Variants in PCDHGB7 observed in about 807,000 individuals in gnomAD.
The protein encoded by PCDHGB7 is protocadherin gamma subfamily B, 7, also known as protocadherin gamma-B7.
A neutral mutation model predicts 61.4 loss-of-function variants in PCDHGB7; 37 were observed. The ratio of observed to expected loss-of-function variants is 0.60; its 90% CI spans 0.46 to 0.79. PCDHGB7 has a LOEUF of 0.79. Ranked by LOEUF, PCDHGB7 falls within the 30% of genes least tolerant of loss-of-function variation. The pLI, the probability that PCDHGB7 is intolerant of heterozygous loss-of-function variation, is 0.00. For missense variants in PCDHGB7, 1,166 were observed against 1,202.5 expected (o/e 0.97, Z 0.45); for synonymous variants, 464 against 503.5 (o/e 0.92, Z 1.05).
intron 1 of PCDHGB7, among the ~76,000 whole-genome samples, chr5:141,475,204 A>G (rs2099360413): frequency 6.6e-6 from 1 of 152,176 alleles, no homozygotes; most frequent in African/African-American, 2.4e-5. Flanking sequence ...AGATCTTGGG[A>G]AAAGGATTGA....
Position 141,450,758 on chromosome 5 carries a change from A to C in PCDHGB7, c.2415+30484A>C, listed in dbSNP as rs1007910264. On this transcript the variant is annotated intron_variant, in intron 1 of 3. Transcript: ENST00000398594. ...CGCCTTGGCCTCCCAAAGTGCCGGGATTACAGGCATGAGCCACCGTGCCCG... is the reference window on the plus strand; with the variant it reads ...CGCCTTGGCCTCCCAAAGTGCCGGGCTTACAGGCATGAGCCACCGTGCCCG... Among the ~76,000 whole-genome samples the C allele has an allele frequency of 5.3e-5, 8 of 151,784 alleles. No individual in the cohort carries two copies. In the East Asian group the frequency reaches 1.4e-3, roughly 26 times the overall value.
chr5:141,511,276 T>C lies in PCDHGB7; in HGVS notation c.*103T>C. On this transcript the variant is annotated 3_prime_UTR_variant, in exon 4 of 4. Coordinates refer to ENST00000398594, the MANE Select transcript of PCDHGB7 (RefSeq NM_018927.4). ...AGAGTTTCAGGGCTAACCCCCAGAA[T>C]ACTGGTAGGGGCCAAGGCCATGCTC... 6.5e-7 allele frequency: 1 copy of C among 1,538,084 alleles called. No homozygotes were observed. Among genetic ancestry groups the C allele is most frequent in the Non-Finnish European group, 8.8e-7 (1 of 1,140,720 alleles).
intron 1 of PCDHGB7, among the ~76,000 whole-genome samples, chr5:141,444,726 G>C (rs1296177763): frequency 6.6e-6 from 1 of 152,048 alleles, no homozygotes; most frequent in African/African-American, 2.4e-5. Flanking sequence ...TGGTGCCTTT[G>C]TTGAAAGTCA....
In PCDHGB7 at chr5:141,501,310, C is replaced by T. The variant is rs958976594; in HGVS notation, c.2475-4083C>T. ...CCTTATACACACACACACACACACA[C>T]ACACACACACACACACACACACACC... On this transcript the variant is annotated intron_variant, in intron 2 of 3. Transcript: ENST00000398594. Among the ~76,000 whole-genome samples, 4 of 151,684 alleles carry T rather than the reference C, an allele frequency of 2.6e-5. No individual in the cohort carries two copies. The South Asian group carries it at 8.3e-4, about 32-fold the overall frequency.
Position 141,491,995 on chromosome 5 carries a change from G to C in PCDHGB7, c.2416-2812G>C, listed in dbSNP as rs76332593. On this transcript the variant is annotated intron_variant, in intron 1 of 3. Transcript: ENST00000398594. The surrounding 1 kb of genome is among the most constrained non-coding windows in gnomAD (Gnocchi z 6.9). ...CTCCTTCGAGCTTCCGGTGAATTTC[G>C]GGCGATTTCCGCGGGTGTCGGGGGT... is the stretch of plus-strand genomic sequence containing the variant. 0.033 allele frequency: 22,941 copies of C among 696,644 alleles called. 426 individuals carry two copies. The highest frequency in any genetic ancestry group is 0.093 in the Middle Eastern group (249 of 2,666). The allele number at this position is 696,644 out of a possible 1,614,324, so 43.2% of individuals were successfully genotyped here. A position where few individuals can be genotyped will look rare whatever the true frequency, so the allele number is the denominator to read the frequency against.
chr5:141,487,386 G>C lies in PCDHGB7; in HGVS notation c.2416-7421G>C. On this transcript the variant is annotated intron_variant, in intron 1 of 3. Coordinates refer to ENST00000398594, the MANE Select transcript of PCDHGB7 (RefSeq NM_018927.4). The surrounding 1 kb of genome is among the most constrained non-coding windows in gnomAD (Gnocchi z 5.0). Reference sequence around the variant, plus strand: ...ACCTGTGCCTGTCTCACCAGATCTCGAAGGAGGGAGGGGCTTCCCCCTTCC... The same window carrying C: ...ACCTGTGCCTGTCTCACCAGATCTCCAAGGAGGGAGGGGCTTCCCCCTTCC... The C allele has an allele frequency of 1.2e-6, 2 of 1,614,164 alleles. No homozygotes were observed. Among genetic ancestry groups the C allele is most frequent in the South Asian group, 1.1e-5 (1 of 91,084 alleles).
intron 1 of PCDHGB7, chr5:141,423,483 A>G (rs767321755): frequency 1.9e-6 from 3 of 1,613,974 alleles, no homozygotes; most frequent in Middle Eastern, 3.3e-4. Flanking sequence ...CTTTCCTGCA[A>G]ACCTATTCCC....
At chr5:141,510,799 C>G in intron 3 of PCDHGB7, 148 bp from the exon 4 acceptor site, 1 of 1,481,460 alleles carries the variant, frequency 6.8e-7, no homozygotes. Context: ...TGAAGAGAGA[C>G]TACCTTGGTG....
intron 2 of PCDHGB7, among the ~76,000 whole-genome samples, chr5:141,502,170 G>A (rs1165631931): frequency 6.6e-6 from 1 of 152,128 alleles, no homozygotes; most frequent in Admixed American, 6.5e-5. Context: ...TTCAGTTGAG[G>A]AATTTAACAT....
chr5:141,421,535 G>A, intron 1 of PCDHGB7: 7 of 1,614,032 alleles, frequency 4.3e-6, no homozygotes, highest in East Asian at 2.2e-5. Flanking sequence ...GTGTCCTCCT[G>A]TTTTTTAAAT....
rs756476818 is a variant in PCDHGB7 at position 141,431,027 on chromosome 5, A to G, written c.2415+10753A>G. The G allele has an allele frequency of 6.2e-6, 10 of 1,614,034 alleles. No homozygotes were observed. The highest frequency in any genetic ancestry group is 1.1e-5 in the South Asian group (1 of 91,078). On this transcript the variant is annotated intron_variant, in intron 1 of 3. Coordinates refer to ENST00000398594, the MANE Select transcript of PCDHGB7 (RefSeq NM_018927.4). This position sits in a 1 kb window ranked among gnomAD's most constrained non-coding sequence, Gnocchi z 4.8. ...CGGCAGCTTGGTCACGGCGGGCAGG[A>G]TAGACCGGGAGGAGCTCTGTATGGG...
chr5:141,455,149 TTA>T (rs537241375), intron 1 of PCDHGB7, among the ~76,000 whole-genome samples: 1 of 148,248 alleles, frequency 6.7e-6, no homozygotes, highest in Non-Finnish European at 1.5e-5. Context: ...TAAATAAATA[TTA>T]GTTTGTTGGT....
chr5:141,453,931 G>T (rs61228273), intron 1 of PCDHGB7, among the ~76,000 whole-genome samples: 2 of 152,306 alleles, frequency 1.3e-5, no homozygotes, highest in African/African-American at 4.8e-5. Flanking sequence ...GTCACTGTGT[G>T]CCTATAATTT....
At chr5:141,428,320 T>G in intron 1 of PCDHGB7, 2 of 650,176 alleles carry the variant, frequency 3.1e-6, no homozygotes, top group Non-Finnish European at 5.5e-6. Context: ...GGCCTTGGCC[T>G]TGATTTCTAT....
intron 1 of PCDHGB7, among the ~76,000 whole-genome samples, chr5:141,474,185 C>A (rs1481544975): frequency 6.6e-6 from 1 of 152,180 alleles, no homozygotes; most frequent in Non-Finnish European, 1.5e-5. Flanking sequence ...AAACTACTTA[C>A]ATTTTTAAAA....
chr5:141,464,310 A>T lies in PCDHGB7; in HGVS notation c.2416-30497A>T, dbSNP rs1327900308. ...AAAAAACTCCATTGTATGTGCACAT[A>T]TCATTATCTGTTCAACCCATCTATG... On this transcript the variant is annotated intron_variant, in intron 1 of 3. Coordinates refer to ENST00000398594, the MANE Select transcript of PCDHGB7 (RefSeq NM_018927.4). 2.0e-5 allele frequency among the ~76,000 whole-genome samples: 3 copies of T among 151,494 alleles called. No homozygotes were observed. The East Asian group carries it at 5.8e-4, about 29-fold the overall frequency.
intron 1 of PCDHGB7, among the ~76,000 whole-genome samples, chr5:141,451,403 G>A (rs2154563571): frequency 6.6e-6 from 1 of 152,288 alleles, no homozygotes; most frequent in South Asian, 2.1e-4. Context: ...GCAAAATTAA[G>A]TTCCTTGTGG....
chr5:141,431,150 CCTTA>C lies in PCDHGB7; in HGVS notation c.2415+10880_2415+10883del, dbSNP rs1302288904. ...AGTAAGGGACATTAACGACAATGCG[CCTTA>C]CTTTCGTGAAAGTGAATTAGAAATA... On this transcript the variant is annotated intron_variant, in intron 1 of 3. Coordinates refer to ENST00000398594, the MANE Select transcript of PCDHGB7 (RefSeq NM_018927.4). The surrounding 1 kb of genome is among the most constrained non-coding windows in gnomAD (Gnocchi z 4.8). 3 of 1,614,226 alleles carry C rather than the reference CCTTA, an allele frequency of 1.9e-6. No individual in the cohort carries two copies. The highest frequency in any genetic ancestry group is 2.2e-5 in the East Asian group (1 of 44,876).
At chr5:141,510,863 A>G in intron 3 of PCDHGB7, 84 bp from the exon 4 acceptor site, 1 of 1,607,492 alleles carries the variant, frequency 6.2e-7, no homozygotes, top group African/African-American at 1.3e-5. Flanking sequence ...CTGTATAGGC[A>G]TTCATTAACT....
Sources: gnomAD v4.1 joint callset for allele counts (sites outside exome capture counted in the v4.1 genomes callset) on GRCh38, gnomAD v4.1.1 for gene constraint, Gnocchi (gnomAD v3.1) non-coding constraint, MANE v1.5 for transcripts, NCBI Gene and HGNC (gene_info 2026-07-23, HGNC 2026-07-21) for gene names.